Variants in LBR observed in about 807,000 individuals in gnomAD.
LBR encodes delta(14)-sterol reductase LBR.
Under a neutral mutation model 74.3 loss-of-function variants are expected in LBR, and 28 were observed. The observed-to-expected ratio is 0.38, with a 90% CI of 0.28 to 0.52. The LOEUF (loss-of-function observed/expected upper bound fraction) is 0.52, where lower values mean the gene tolerates loss of function less well. Among genes scored for constraint, LBR ranks in the 20% least tolerant of loss-of-function variants. LBR has a pLI of 0.89. For missense variants in LBR, 717 were observed against 760.3 expected, an observed-to-expected ratio of 0.94 and a Z score of 0.67; for synonymous variants, 228 against 269.3, an observed-to-expected ratio of 0.85 and a Z score of 1.50.
intron 5 of LBR, 47 bp downstream of exon 5, chr1:225,419,216 C>T (rs1376965965): frequency 6.3e-7 from 1 of 1,585,910 alleles, no homozygotes; most frequent in South Asian, 1.1e-5. Flanking sequence ...GGCAACCACC[C>T]CTAGCTCACC....
intron 11 of LBR, among the ~76,000 whole-genome samples, chr1:225,405,961 GAACAGTGTAAGAACA>G (rs1488485805): frequency 6.6e-6 from 1 of 152,136 alleles, no homozygotes; most frequent in Non-Finnish European, 1.5e-5. Flanking sequence ...AGTGTTTAGT[GAACAGTGTAAGAACA>G]ATGAAAATTC....
At chr1:225,406,333 C>T (rs1053234264) in intron 11 of LBR, among the ~76,000 whole-genome samples, 2 of 152,204 alleles carry the variant, frequency 1.3e-5, no homozygotes, top group African/African-American at 4.8e-5. Flanking sequence ...CAAGACAAAT[C>T]TTCTTACTTT....
intron 1 of LBR, among the ~76,000 whole-genome samples, chr1:225,427,140 C>T (rs1053543135): frequency 5.3e-5 from 8 of 152,110 alleles, no homozygotes; most frequent in Non-Finnish European, 1.0e-4. Context: ...TGTGAACACC[C>T]GACCGGGCCC....
At chr1:225,410,209 T>A (rs889826789) in intron 10 of LBR, 82 bp downstream of exon 10, 2 of 1,600,344 alleles carry the variant, frequency 1.2e-6, no homozygotes, top group Non-Finnish European at 1.7e-6. Context: ...TCACTTTGTG[T>A]GCAAGAAGCC....
At position 225,419,877 on chromosome 1, in the gene LBR, T is replaced by C. The variant is rs116020594; in HGVS notation, c.367-79A>G. ...AAACATGATGGTAAAAACTTACTGT[T>C]TTGGAATCAAGCAATAAAACAGATT... On this transcript the variant is annotated intron_variant, in intron 3 of 13. Coordinates refer to ENST00000272163, the MANE Select transcript of LBR (RefSeq NM_002296.4). The C allele has an allele frequency of 0.036, 37,429 of 1,038,864 alleles. 833 individuals are homozygous for C. Among genetic ancestry groups the C allele is most frequent in the South Asian group, 0.04 (3,031 of 76,608 alleles). 64.4% of individuals were successfully genotyped at this position (1,038,864 alleles called of 1,614,324 possible). A position where few individuals can be genotyped will look rare whatever the true frequency, so the allele number is the denominator to read the frequency against.
chr1:225,419,945 A>C, intron 3 of LBR, 147 bp from the exon 4 acceptor site: 1 of 667,164 alleles, frequency 1.5e-6, no homozygotes, highest in Non-Finnish European at 2.7e-6. Context: ...TCATTTTGTT[A>C]AAAATGAAAA....
intron 10 of LBR, among the ~76,000 whole-genome samples, chr1:225,409,741 A>G (rs917103022): frequency 1.3e-5 from 2 of 152,234 alleles, no homozygotes; most frequent in Admixed American, 1.3e-4. Context: ...AACATTTACC[A>G]GTCTTCAACT....
Position 225,406,644 on chromosome 1 carries a change from A to G in LBR, c.1483+20T>C. 6.3e-7 allele frequency: 1 copy of G among 1,598,780 alleles called. No homozygotes were observed. On this transcript the variant is annotated intron_variant, in intron 11 of 13. Transcript: ENST00000272163. ...ACATAATATTTAATAAATTAAACTG[A>G]GACTAAAATTAATACTCACGTTTCA...
At chr1:225,417,714 A>AT (rs1197486422) in intron 6 of LBR, 486 of 319,558 alleles carry the variant, frequency 1.5e-3, no homozygotes, top group East Asian at 2.4e-3. Flanking sequence ...TCTCAATCAG[A>AT]TTTTTTTTTA....
intron 11 of LBR, among the ~76,000 whole-genome samples, chr1:225,405,817 C>G (rs2096090315): frequency 1.3e-5 from 2 of 152,196 alleles, no homozygotes; most frequent in Admixed American, 6.5e-5. Flanking sequence ...CATGGACATC[C>G]AAACCACTGG....
At chr1:225,413,593 A>G (rs2096110742) in intron 7 of LBR, among the ~76,000 whole-genome samples, 1 of 152,250 alleles carries the variant, frequency 6.6e-6, no homozygotes, top group Non-Finnish European at 1.5e-5. Context: ...TTCCACAAAT[A>G]CTCCAAACAA....
At chr1:225,424,175 A>G in intron 1 of LBR, 86 bp from the exon 2 acceptor site, 1 of 1,030,460 alleles carries the variant, frequency 9.7e-7, no homozygotes, top group Non-Finnish European at 1.5e-6. Flanking sequence ...ACTAAAATAC[A>G]ACTTTCCAGA....
chr1:225,411,792 C>A (rs1304803122), intron 8 of LBR, among the ~76,000 whole-genome samples: 2 of 152,178 alleles, frequency 1.3e-5, no homozygotes, highest in Non-Finnish European at 2.9e-5. Flanking sequence ...CAATTTGTAA[C>A]CTCTCGTTTC....
rs2096108082 is a variant in LBR at position 225,412,548 on chromosome 1, T to C, written c.990A>G (p.Ala330=). The C allele has an allele frequency of 6.2e-7, 1 of 1,613,020 alleles. No individual in the cohort carries two copies. Residue 330 remains alanine, a synonymous_variant, in exon 8 of 14, where the codon GCA becomes GCG. Transcript: ENST00000272163. ...CCACACAAAAAACAGTGGCCGCAAG[T>C]GCAAACTGAAGAAAATGACTGTACA... ...HYVYSHFLQF[A]LAATVFCVVL...
intron 9 of LBR, 85 bp downstream of exon 9, chr1:225,411,252 C>T: frequency 1.0e-6 from 1 of 956,876 alleles, no homozygotes; most frequent in Non-Finnish European, 1.7e-6. Flanking sequence ...CCACCCACTG[C>T]TTATTTTTGA....
rs1193780362 is a variant in LBR at position 225,419,761 on chromosome 1, T to TC, written c.403dup (p.Glu135GlyfsTer3). ...GTCATTTCTCTCAATATGCTCAGGCTCCCCATTATATCTGCTGATGCTATT... is the reference window on the plus strand; with the variant it reads ...GTCATTTCTCTCAATATGCTCAGGCTCCCCCATTATATCTGCTGATGCTATT... On this transcript the variant is annotated frameshift_variant, in exon 4 of 14. Coordinates refer to ENST00000272163, the MANE Select transcript of LBR (RefSeq NM_002296.4). LOFTEE classifies it high-confidence loss of function. 6.2e-7 allele frequency: 1 copy of TC among 1,612,764 alleles called. No homozygotes were observed. The highest frequency in any genetic ancestry group is 8.5e-7 in the Non-Finnish European group (1 of 1,179,050).
At chr1:225,416,122 TG>T (rs1216125077) in intron 6 of LBR, among the ~76,000 whole-genome samples, 1 of 150,214 alleles carries the variant, frequency 6.7e-6, no homozygotes, top group Non-Finnish European at 1.5e-5. Context: ...AGTGGGAAGA[TG>T]ACTTCAGCCC....
rs753611856 is a variant in LBR, at chr1:225,404,626, G to C, written c.1564C>G (p.His522Asp). The change falls in exon 12 of 14, where the codon CAT becomes GAT. Residue 522 changes from histidine to aspartate, a missense_variant and splice_region_variant. Transcript: ENST00000272163. ...AATATAAACATAAATCAATACTTAC[G>C]TGCAAGCTTTGGATCACTGGGATTT... ...RKNPSDPKLA[H>D]LKTIHTSTGK... is the part of the protein sequence containing the mutation. 6.2e-7 allele frequency: 1 copy of C among 1,606,838 alleles called. No individual in the cohort carries two copies. The highest frequency in any genetic ancestry group is 1.7e-5 in the Admixed American group (1 of 60,018).
chr1:225,425,224 G>A (rs184217630), intron 1 of LBR, among the ~76,000 whole-genome samples: 13 of 151,824 alleles, frequency 8.6e-5, no homozygotes, highest in Admixed American at 4.6e-4. Context: ...TGGGAGAGTG[G>A]GGGGGGAGGC....
Sources: gnomAD v4.1 joint callset for allele counts (sites outside exome capture counted in the v4.1 genomes callset) on GRCh38, gnomAD v4.1.1 for gene constraint, MANE v1.5 for transcripts, NCBI Gene and HGNC (gene_info 2026-07-23, HGNC 2026-07-21) for gene names.